BICD2: variants seen among roughly 807,000 people sequenced by gnomAD.
The protein encoded by BICD2 is protein bicaudal D homolog 2.
A neutral mutation model predicts 72.9 loss-of-function variants in BICD2; 25 were observed. The ratio of observed to expected loss-of-function variants is 0.34; its 90% confidence interval spans 0.25 to 0.48. The LOEUF (loss-of-function observed/expected upper bound fraction) is 0.48, where lower values mean the gene tolerates loss of function less well. Ranked by LOEUF, BICD2 falls within the 20% of genes least tolerant of loss-of-function variation. The pLI, the probability that BICD2 is intolerant of heterozygous loss-of-function variation, is 0.99. For missense variants in BICD2, 894 were observed against 1,175.2 expected (o/e 0.76, Z 3.50); for synonymous variants, 501 against 516.1 (o/e 0.97, Z 0.40).
At chr9:92,726,677 G>A (rs950022771) in intron 2 of BICD2, among the ~76,000 whole-genome samples, 4 of 152,118 alleles carry the variant, frequency 2.6e-5, no homozygotes, top group African/African-American at 9.7e-5. Context: ...CCAGGGCAGG[G>A]ACACAGTCAT....
chr9:92,755,029 T>G (rs942520820), intron 1 of BICD2, among the ~76,000 whole-genome samples: 27 of 152,242 alleles, frequency 1.8e-4, no homozygotes, highest in Non-Finnish European at 1.5e-5. Flanking sequence ...ATTTCTCTTC[T>G]TTCAAAAGCA....
intron 1 of BICD2, among the ~76,000 whole-genome samples, chr9:92,751,308 G>A (rs1388385810): frequency 6.6e-6 from 1 of 151,964 alleles, no homozygotes; most frequent in African/African-American, 2.4e-5. Flanking sequence ...CTGGGACCAC[G>A]CCCGGCTAAT....
chr9:92,718,411 G>C (rs560160309), intron 5 of BICD2, 128 bp downstream of exon 5: 1 of 1,146,646 alleles, frequency 8.7e-7, no homozygotes, highest in African/African-American at 1.6e-5. Context: ...AGCTACTATG[G>C]GGCTGGCTCT....
At position 92,715,386 on chromosome 9, in the gene BICD2, T is replaced by C; in HGVS notation, c.2336A>G (p.Asn779Ser). 1.2e-6 allele frequency: 2 copies of C among 1,611,112 alleles called. No individual in the cohort carries two copies. Among genetic ancestry groups the C allele is most frequent in the Non-Finnish European group, 1.7e-6 (2 of 1,178,142 alleles). The stretch of plus-strand genomic sequence containing the variant: ...CTGGATGGCCATGCGCAGCAGCGAG[T>C]TCAGCGTCTTCTTCTCGTCCTCAGC... ...AAAEDEKKTL[N>S]SLLRMAIQQK... is the part of the protein sequence containing the mutation. Residue 779 changes from asparagine to serine, a missense_variant, in exon 7 of 7, where the codon AAC (asparagine) becomes AGC (serine). Physicochemically the swap from Asn to Ser is conservative, Grantham distance 46. This residue lies in a region of BICD2 where 321 missense variants were observed against 443.9 expected (regional missense o/e 0.72). Transcript: ENST00000356884.
At chr9:92,721,885 G>A (rs535399389) in intron 3 of BICD2, among the ~76,000 whole-genome samples, 35 of 152,228 alleles carry the variant, frequency 2.3e-4, no homozygotes, top group Non-Finnish European at 4.3e-4. Context: ...GAAGGACCAG[G>A]CTAGGAGCTC....
Position 92,712,104 on chromosome 9 carries a change from G to A in BICD2, c.*3050C>T, listed in dbSNP as rs898184919. On this transcript the variant is annotated 3_prime_UTR_variant, in exon 7 of 7. Transcript: ENST00000356884. The stretch of plus-strand genomic sequence containing the variant: ...CTACTGCGCATGCCAACACAGCGTC[G>A]GCCCTCCTGATACCCTCAGCTCTTC... 2.6e-5 allele frequency: 4 copies of A among 152,528 alleles called. No homozygotes were observed. The highest frequency in any genetic ancestry group is 7.2e-5 in the African/African-American group (3 of 41,418). The allele number at this position is 152,528 out of a possible 1,614,324, so 9.4% of individuals were successfully genotyped here.
In BICD2 at chr9:92,714,933, C is replaced by T. The variant is rs1032118303; in HGVS notation, c.*221G>A. On this transcript the variant is annotated 3_prime_UTR_variant, in exon 7 of 7. Transcript: ENST00000356884. ...CACCTCTGACCCCCACCTAAGAGAG[C>T]AGCTGAGGACTGGGTGCTCCTGAGG... The T allele has an allele frequency of 9.5e-6, 13 of 1,364,044 alleles. No individual in the cohort carries two copies. The African/African-American group carries it at 1.9e-4, about 20-fold the overall frequency. 84.5% of individuals were successfully genotyped at this position (1,364,044 alleles called of 1,614,324 possible).
Position 92,720,028 on chromosome 9 carries a change from G to A in BICD2, c.1062+272C>T, listed in dbSNP as rs1853426831. Among the ~76,000 whole-genome samples the A allele has an allele frequency of 6.6e-6, 1 of 152,204 alleles. No homozygotes were observed. Among genetic ancestry groups the A allele is most frequent in the Non-Finnish European group, 1.5e-5 (1 of 68,032 alleles). ...CCCCTGACACCTGGCCTGCGTGCAGGGATCACATGTGGGCCAGTGTCTCAT... is the reference window on the plus strand; with the variant it reads ...CCCCTGACACCTGGCCTGCGTGCAGAGATCACATGTGGGCCAGTGTCTCAT... On this transcript the variant is annotated intron_variant, in intron 4 of 6. Transcript: ENST00000356884. This position sits in a 1 kb window ranked among gnomAD's most constrained non-coding sequence, Gnocchi z 5.4.
chr9:92,717,726 A>G (rs1199324445), intron 6 of BICD2, 71 bp downstream of exon 6: 3 of 1,494,702 alleles, frequency 2.0e-6, no homozygotes, highest in Non-Finnish European at 2.7e-6. Flanking sequence ...TGAGAGGCTA[A>G]GGGTTCCAGA....
In BICD2 at chr9:92,719,294, C is replaced by T. The variant is rs150965296; in HGVS notation, c.1351G>A (p.Glu451Lys). 2.9e-5 allele frequency: 47 copies of T among 1,613,804 alleles called. No individual in the cohort carries two copies. Among genetic ancestry groups the T allele is most frequent in the Non-Finnish European group, 3.8e-5 (45 of 1,180,042 alleles). The change falls in exon 5 of 7, where the codon GAG (glutamate) becomes AAG (lysine). Residue 451 changes from glutamate (E) to lysine (K), a missense_variant. Physicochemically the swap from Glu to Lys is moderately conservative, Grantham distance 56. Transcript: ENST00000356884. ...VAVAEAGELR[E>K]QLKALRSTHE... ...GTGCTGCGCAGTGCCTTGAGCTGCT[C>T]GCGGAGCTCGCCAGCCTCAGCCACA... is the stretch of plus-strand genomic sequence containing the variant.
intron 2 of BICD2, among the ~76,000 whole-genome samples, chr9:92,723,296 G>A (rs1399464645): frequency 6.6e-6 from 1 of 152,182 alleles, no homozygotes; most frequent in African/African-American, 2.4e-5. Context: ...TTTGCCAAAA[G>A]GTGGAAGCAG....
intron 6 of BICD2, among the ~76,000 whole-genome samples, 154 bp downstream of exon 6, chr9:92,717,643 G>A (rs558475367): frequency 4.6e-5 from 7 of 152,188 alleles, no homozygotes; most frequent in African/African-American, 7.2e-5. Context: ...CCCCAACCTC[G>A]TACCATGCTG....
chr9:92,737,661 T>A (rs1564067414), intron 1 of BICD2, among the ~76,000 whole-genome samples: 1 of 152,198 alleles, frequency 6.6e-6, no homozygotes, highest in Non-Finnish European at 1.5e-5. Flanking sequence ...GCGGTTTTCA[T>A]TCTTTCCTGA....
At chr9:92,724,293 T>C (rs1447447633) in intron 2 of BICD2, among the ~76,000 whole-genome samples, 1 of 152,164 alleles carries the variant, frequency 6.6e-6, no homozygotes, top group Non-Finnish European at 1.5e-5. Flanking sequence ...TAGACAAGAT[T>C]CCAAGATCCC....
chr9:92,717,686 G>T, intron 6 of BICD2, 111 bp downstream of exon 6: 1 of 1,381,122 alleles, frequency 7.2e-7, no homozygotes, highest in Non-Finnish European at 9.6e-7. Context: ...CCACTGACTA[G>T]TCAGGGCTGC....
chr9:92,751,515 T>C (rs1854149678), intron 1 of BICD2, among the ~76,000 whole-genome samples: 1 of 152,202 alleles, frequency 6.6e-6, no homozygotes, highest in African/African-American at 2.4e-5. Flanking sequence ...AAAAGCACTG[T>C]AACTCTAGTT....
intron 1 of BICD2, among the ~76,000 whole-genome samples, chr9:92,733,749 C>T (rs1415587828): frequency 1.3e-5 from 2 of 152,010 alleles, no homozygotes; most frequent in South Asian, 2.1e-4. Flanking sequence ...GGGCAGATCA[C>T]GAGGTCAGGA....
rs758897472 is a variant in BICD2, at chr9:92,720,288, C to T, written c.1062+12G>A. The T allele has an allele frequency of 6.3e-7, 1 of 1,599,442 alleles. No individual in the cohort carries two copies. The highest frequency in any genetic ancestry group is 8.5e-7 in the Non-Finnish European group (1 of 1,172,270). On this transcript the variant is annotated intron_variant, in intron 4 of 6. Coordinates refer to ENST00000356884, the MANE Select transcript of BICD2 (RefSeq NM_001003800.2). This position sits in a 1 kb window ranked among gnomAD's most constrained non-coding sequence, Gnocchi z 5.4. ...TGGGGACAGCGTGCCGAAGGCCCCA[C>T]TGCCTGCTCACCTGCATCAGCTGCT...
intron 1 of BICD2, among the ~76,000 whole-genome samples, chr9:92,746,733 C>A (rs528945823): frequency 6.6e-6 from 1 of 152,176 alleles, no homozygotes; most frequent in Admixed American, 6.5e-5. Flanking sequence ...AGAAGCCAGA[C>A]CCAAAAGACC....
Sources: gnomAD v4.1 joint callset for allele counts (sites outside exome capture counted in the v4.1 genomes callset) on GRCh38, gnomAD v4.1.1 for gene constraint, gnomAD v4.1.1 regional missense constraint, Gnocchi (gnomAD v3.1) non-coding constraint, MANE v1.5 for transcripts, NCBI Gene and HGNC (gene_info 2026-07-23, HGNC 2026-07-21) for gene names.